Variants in CAPN7 observed in about 807,000 individuals in gnomAD.
The protein encoded by CAPN7 is calpain 7, also known as calpain-7.
In CAPN7, 72 loss-of-function variants were observed where a neutral mutation model predicts 115.2. The observed-to-expected ratio is 0.63, with a 90% CI of 0.52 to 0.76. CAPN7 has a LOEUF of 0.76. CAPN7 is among the 30% of genes least tolerant of loss of function. The pLI is 0.00. For missense variants in CAPN7, 905 were observed against 971.5 expected, an observed-to-expected ratio of 0.93 and a Z score of 0.91; for synonymous variants, 344 against 322.3, an observed-to-expected ratio of 1.07 and a Z score of -0.72.
chr3:15,213,157 T>A (rs532023155), intron 2 of CAPN7, among the ~76,000 whole-genome samples: 25 of 152,358 alleles, frequency 1.6e-4, no homozygotes, highest in African/African-American at 6.0e-4. Flanking sequence ...AACTTTCTTT[T>A]CCCAGCCAAG....
chr3:15,231,329 A>G (rs1393001377), intron 9 of CAPN7, among the ~76,000 whole-genome samples: 5 of 152,164 alleles, frequency 3.3e-5, no homozygotes, highest in Non-Finnish European at 5.9e-5. Flanking sequence ...TTCTAACAAG[A>G]TTCCAGGTGA....
chr3:15,247,048 C>T (rs1167385406), intron 18 of CAPN7, among the ~76,000 whole-genome samples: 1 of 152,144 alleles, frequency 6.6e-6, no homozygotes, highest in African/African-American at 2.4e-5. Flanking sequence ...TTAAAAGTAG[C>T]ATTTGAGACT....
intron 10 of CAPN7, 74 bp from the exon 11 acceptor site, chr3:15,233,793 G>T: frequency 2.6e-6 from 2 of 778,122 alleles, no homozygotes; most frequent in Non-Finnish European, 4.5e-6. Flanking sequence ...AAATCAGTGA[G>T]ATGTAATAGC....
intron 6 of CAPN7, among the ~76,000 whole-genome samples, 171 bp from the exon 7 acceptor site, chr3:15,227,667 TC>T (rs1379549070): frequency 1.3e-5 from 2 of 152,070 alleles, no homozygotes; most frequent in Non-Finnish European, 2.9e-5. Flanking sequence ...GAGGGGATGA[TC>T]AGGTTGACTG....
intron 5 of CAPN7, among the ~76,000 whole-genome samples, chr3:15,222,863 C>A (rs1694083566): frequency 6.6e-6 from 1 of 152,070 alleles, no homozygotes; most frequent in Non-Finnish European, 1.5e-5. Context: ...GCTATTGTTA[C>A]CTAAAGACTA....
intron 18 of CAPN7, 81 bp downstream of exon 18, chr3:15,246,875 T>C: frequency 8.9e-7 from 1 of 1,128,486 alleles, no homozygotes; most frequent in East Asian, 2.5e-5. Context: ...CATTTTATTG[T>C]TTATATTTAG....
intron 5 of CAPN7, among the ~76,000 whole-genome samples, chr3:15,221,312 T>G (rs1363052609): frequency 6.6e-6 from 1 of 150,910 alleles, no homozygotes; most frequent in African/African-American, 2.4e-5. Context: ...CCCAAGTAGC[T>G]GGGACTACAG....
intron 1 of CAPN7, among the ~76,000 whole-genome samples, chr3:15,206,997 T>C (rs1290648258): frequency 6.6e-6 from 1 of 152,252 alleles, no homozygotes; most frequent in African/African-American, 2.4e-5. Flanking sequence ...TTAAAAAGAA[T>C]AAAAACCATC....
chr3:15,232,012 A>G (rs73140130), intron 9 of CAPN7: 18,268 of 205,708 alleles, frequency 0.089, 3,554 homozygotes, highest in African/African-American at 0.4. Context: ...TTAAATGTAC[A>G]TTTCTAGAAT....
chr3:15,243,343 A>G (rs918633368), intron 16 of CAPN7, among the ~76,000 whole-genome samples: 1 of 152,190 alleles, frequency 6.6e-6, no homozygotes, highest in Non-Finnish European at 1.5e-5. Context: ...AATCAGGAAA[A>G]TGACATGTCC....
chr3:15,212,906 G>A (rs1345130607), intron 2 of CAPN7, among the ~76,000 whole-genome samples: 2 of 152,164 alleles, frequency 1.3e-5, no homozygotes, highest in African/African-American at 4.8e-5. Context: ...CATGGACTTT[G>A]TGTAACTTTC....
chr3:15,227,721 A>G, intron 6 of CAPN7, 118 bp from the exon 7 acceptor site: 1 of 483,200 alleles, frequency 2.1e-6, no homozygotes, highest in Non-Finnish European at 3.4e-6. Context: ...TTATTTTAAG[A>G]TAATACAGTA....
intron 1 of CAPN7, among the ~76,000 whole-genome samples, chr3:15,208,453 ATTT>A (rs1218217326): frequency 1.6e-5 from 2 of 126,142 alleles, no homozygotes; most frequent in Non-Finnish European, 1.7e-5. Flanking sequence ...CACTTGGCTA[ATTT>A]TTTTTTTTTT....
intron 14 of CAPN7, 77 bp downstream of exon 14, chr3:15,240,930 C>A: frequency 2.2e-6 from 2 of 906,376 alleles, no homozygotes; most frequent in Non-Finnish European, 3.5e-6. Context: ...TGGTGCCAGG[C>A]GCAGTGGCTC....
At chr3:15,230,655 ATAT>A in intron 9 of CAPN7, 120 bp downstream of exon 9, 1 of 595,938 alleles carries the variant, frequency 1.7e-6, no homozygotes, top group Non-Finnish European at 3.1e-6. Context: ...AGAGTCTGTG[ATAT>A]TATATATTAC....
chr3:15,206,441 A>G lies in CAPN7; in HGVS notation c.-55A>G. On this transcript the variant is annotated 5_prime_UTR_variant, in exon 1 of 21. Coordinates refer to ENST00000253693, the MANE Select transcript of CAPN7 (RefSeq NM_014296.3). ...GCCGCCGGGCCGCCGCAGTCCGCGA[A>G]GAGCCGTCCTGCGTCAGGGCCTCCT... The G allele has an allele frequency of 1.5e-6, 2 of 1,350,040 alleles. No individual in the cohort carries two copies. The highest frequency in any genetic ancestry group is 1.3e-5 in the South Asian group (1 of 78,404). 83.6% of individuals were successfully genotyped at this position (1,350,040 alleles called of 1,614,324 possible). A position where few individuals can be genotyped will look rare whatever the true frequency, so the allele number is the denominator to read the frequency against.
intron 8 of CAPN7, 151 bp downstream of exon 8, chr3:15,229,210 G>A: frequency 5.0e-6 from 3 of 605,982 alleles, no homozygotes; most frequent in Admixed American, 2.8e-5. Flanking sequence ...TTATGAATGT[G>A]GAAAGATACG....
Position 15,212,221 on chromosome 3 carries a change from A to G in CAPN7, c.211+9A>G, listed in dbSNP as rs1399218778. On this transcript the variant is annotated intron_variant, in intron 2 of 20. Transcript: ENST00000253693. ...AGCTCTACATTCAGCAGGTTAGTAA[A>G]GGACTACTAAACTTGTCACTCTATT... 2.0e-5 allele frequency: 29 copies of G among 1,458,660 alleles called. No homozygotes were observed. Among genetic ancestry groups the G allele is most frequent in the Non-Finnish European group, 2.6e-5 (27 of 1,052,786 alleles). 90.4% of individuals were successfully genotyped at this position (1,458,660 alleles called of 1,614,324 possible).
rs1000854131 is a variant in CAPN7 at position 15,251,993 on chromosome 3, A to G, written c.*733A>G. 5 of 152,470 alleles carry G rather than the reference A, an allele frequency of 3.3e-5. No individual in the cohort carries two copies. The highest frequency in any genetic ancestry group is 9.6e-5 in the African/African-American group (4 of 41,452). The allele number at this position is 152,470 out of a possible 1,614,324, so 9.4% of individuals were successfully genotyped here. ...TAATTGAGATATTGAAGACATTACA[A>G]TTTAGTTTGTGTGGTCTTTTTTTAA... is the stretch of plus-strand genomic sequence containing the variant. On this transcript the variant is annotated 3_prime_UTR_variant, in exon 21 of 21. Coordinates refer to ENST00000253693, the MANE Select transcript of CAPN7 (RefSeq NM_014296.3).
Sources: gnomAD v4.1 joint callset for allele counts (sites outside exome capture counted in the v4.1 genomes callset) on GRCh38, gnomAD v4.1.1 for gene constraint, MANE v1.5 for transcripts, NCBI Gene and HGNC (gene_info 2026-07-23, HGNC 2026-07-21) for gene names.